Variants in RB1 observed in about 807,000 individuals in gnomAD.
The protein encoded by RB1 is RB transcriptional corepressor 1, also known as retinoblastoma-associated protein.
A neutral mutation model predicts 135.4 loss-of-function variants in RB1; 18 were observed. The observed-to-expected ratio is 0.13, with a 90% CI of 0.09 to 0.20. The LOEUF (loss-of-function observed/expected upper bound fraction) is 0.20. RB1 is among the 10% of genes least tolerant of loss of function. The pLI, the probability that RB1 is intolerant of heterozygous loss-of-function variation, is 1.00. For missense variants in RB1, 868 were observed against 1,110.0 expected (o/e 0.78, Z 3.10); for synonymous variants, 365 against 373.2 (o/e 0.98, Z 0.25).
At position 48,319,284 on chromosome 13, in the gene RB1, G is replaced by T; in HGVS notation, c.264+11878G>T. ...TGGCGCTGCTTGTGCTGTGTGCGGG[G>T]TCAGGCGTCCTCTCTCCTCCCGGCG... On this transcript the variant is annotated intron_variant, in intron 2 of 26. Transcript: ENST00000267163. The surrounding 1 kb of genome is among the most constrained non-coding windows in gnomAD (Gnocchi z 5.0). 1.3e-6 allele frequency: 1 copy of T among 753,996 alleles called. No individual in the cohort carries two copies. Among genetic ancestry groups the T allele is most frequent in the Non-Finnish European group, 2.1e-6 (1 of 486,302 alleles). The allele number at this position is 753,996 out of a possible 1,614,324, so 46.7% of individuals were successfully genotyped here.
At chr13:48,434,026 A>T (rs1037538234) in intron 17 of RB1, among the ~76,000 whole-genome samples, 4 of 152,014 alleles carry the variant, frequency 2.6e-5, no homozygotes, top group Non-Finnish European at 5.9e-5. Flanking sequence ...GCCTGGCCTC[A>T]ATATTTATTT....
intron 17 of RB1, chr13:48,411,628 C>T: frequency 6.2e-7 from 1 of 1,612,186 alleles, no homozygotes; most frequent in Non-Finnish European, 8.5e-7. Flanking sequence ...ACTGCTGCCA[C>T]TACTGAGCAA....
At chr13:48,448,278 A>G (rs563364533) in intron 17 of RB1, among the ~76,000 whole-genome samples, 15 of 152,206 alleles carry the variant, frequency 9.9e-5, no homozygotes, top group South Asian at 4.1e-4. Context: ...ATAGGAAAAG[A>G]TGACTTGTCA....
At chr13:48,359,442 A>C (rs1952619007) in intron 6 of RB1, among the ~76,000 whole-genome samples, 1 of 145,540 alleles carries the variant, frequency 6.9e-6, no homozygotes, top group African/African-American at 2.7e-5. Flanking sequence ...TTTATAAATA[A>C]AATAATTATT....
At chr13:48,318,019 C>T (rs1952200972) in intron 2 of RB1, 2 of 503,830 alleles carry the variant, frequency 4.0e-6, no homozygotes. Flanking sequence ...TGTCGTCAGA[C>T]AGGGAGCCGG....
chr13:48,397,978 T>G (rs914354492), intron 17 of RB1, among the ~76,000 whole-genome samples: 1 of 152,186 alleles, frequency 6.6e-6, no homozygotes, highest in African/African-American at 2.4e-5. Context: ...TGTTTTAAGT[T>G]ATATTTTGCT....
At chr13:48,473,126 A>C (rs1949482460) in intron 23 of RB1, among the ~76,000 whole-genome samples, 1 of 152,182 alleles carries the variant, frequency 6.6e-6, no homozygotes, top group African/African-American at 2.4e-5. Flanking sequence ...ATGGCAGAAT[A>C]TGTTCTTGCA....
At chr13:48,376,840 C>A in intron 12 of RB1, 78 bp from the exon 13 acceptor site, 1 of 1,597,756 alleles carries the variant, frequency 6.3e-7, no homozygotes, top group East Asian at 2.3e-5. Context: ...TTTAAAAAGT[C>A]ATATATTATG....
chr13:48,412,310 G>A (rs767931535), intron 17 of RB1: 8 of 1,612,842 alleles, frequency 5.0e-6, no homozygotes, highest in Non-Finnish European at 6.8e-6. Flanking sequence ...AAATGTATAT[G>A]GCAACACAAT....
chr13:48,434,029 A>T (rs899115954), intron 17 of RB1, among the ~76,000 whole-genome samples: 4 of 151,992 alleles, frequency 2.6e-5, no homozygotes, highest in Non-Finnish European at 5.9e-5. Flanking sequence ...TGGCCTCAAT[A>T]TTTATTTAAA....
chr13:48,426,653 A>G (rs928066379), intron 17 of RB1: 1 of 152,242 alleles, frequency 6.6e-6, no homozygotes, highest in Non-Finnish European at 1.5e-5. Flanking sequence ...AGTACAACTT[A>G]GGAAACTAAA....
intron 17 of RB1, among the ~76,000 whole-genome samples, chr13:48,451,406 A>G (rs1019210781): frequency 1.3e-5 from 2 of 152,170 alleles, no homozygotes; most frequent in Admixed American, 1.3e-4. Flanking sequence ...AATTCTGTTT[A>G]TGTGATGAAT....
chr13:48,402,560 G>T (rs1397269239), intron 17 of RB1, among the ~76,000 whole-genome samples: 3 of 151,568 alleles, frequency 2.0e-5, no homozygotes, highest in Non-Finnish European at 1.5e-5. Flanking sequence ...TTTATTCTTT[G>T]TAGAGACGGG....
intron 11 of RB1, among the ~76,000 whole-genome samples, chr13:48,369,233 C>T (rs911505792): frequency 1.5e-4 from 23 of 152,248 alleles, no homozygotes; most frequent in African/African-American, 4.8e-4. Flanking sequence ...CACTCATTTC[C>T]CACATCAAAA....
chr13:48,440,878 C>A (rs1477998063), intron 17 of RB1, among the ~76,000 whole-genome samples: 3 of 152,090 alleles, frequency 2.0e-5, no homozygotes, highest in African/African-American at 7.2e-5. Flanking sequence ...ATTTTAAACT[C>A]TCATCTGTAT....
intron 26 of RB1, among the ~76,000 whole-genome samples, chr13:48,478,370 T>C (rs1422876350): frequency 6.6e-6 from 1 of 152,226 alleles, no homozygotes; most frequent in Non-Finnish European, 1.5e-5. Context: ...GAATCTCTTT[T>C]TGGATTTTAT....
intron 2 of RB1, among the ~76,000 whole-genome samples, chr13:48,338,070 G>A (rs198630): frequency 8.5e-5 from 13 of 152,096 alleles, no homozygotes; most frequent in African/African-American, 3.1e-4. Flanking sequence ...GATGGGCTTC[G>A]CTTTGTGGGT....
chr13:48,465,773 TTCCGAG>T (rs1397249981), intron 23 of RB1, among the ~76,000 whole-genome samples: 5 of 150,930 alleles, frequency 3.3e-5, no homozygotes, highest in South Asian at 2.1e-4. Flanking sequence ...GGAGTTCCCT[TTCCGAG>T]TCAAAGAAAG....
rs578226820 is a variant in RB1, at chr13:48,380,073, T to C, written c.1410T>C (p.Ile470=). 98 of 1,386,676 alleles carry C rather than the reference T, an allele frequency of 7.1e-5. 1 individual carries two copies. The Admixed American group carries it at 9.7e-4, about 14-fold the overall frequency. 85.9% of individuals were successfully genotyped at this position (1,386,676 alleles called of 1,614,324 possible). The change falls in exon 15 of 27, where the codon ATT becomes ATC. Residue 470 remains isoleucine (I), a synonymous_variant. Coordinates refer to ENST00000267163, the MANE Select transcript of RB1 (RefSeq NM_000321.3). The part of the protein sequence containing the change: ...MLKSEEERLS[I]QNFSKLLNDN... ...TTCAGGAAGAAGAACGATTATCCAT[T>C]CAAAATTTTAGGTAAATTTTTTACT...
Sources: allele counts gnomAD v4.1 joint callset (sites outside exome capture counted in the v4.1 genomes callset), GRCh38; gene constraint gnomAD v4.1.1; non-coding constraint Gnocchi (gnomAD v3.1); transcripts MANE v1.5; gene names NCBI Gene and HGNC (gene_info 2026-07-23, HGNC 2026-07-21).